The following PATJ variants were observed in gnomAD, a reference collection of about 807,000 sequenced individuals.
PATJ encodes the protein PATJ crumbs cell polarity complex component.
A neutral mutation model predicts 224.9 loss-of-function variants in PATJ; 190 were observed. The ratio of observed to expected loss-of-function variants is 0.84; its 90% confidence interval spans 0.75 to 0.95. The LOEUF is 0.95. Ranked by LOEUF, PATJ falls within the 40% of genes least tolerant of loss-of-function variation. PATJ has a pLI of 0.00. For missense variants in PATJ, 2,121 were observed against 2,270.3 expected (o/e 0.93, Z 1.34); for synonymous variants, 769 against 820.3 (o/e 0.94, Z 1.07).
chr1:61,742,787 C>G (rs982253530), intron 1 of PATJ, among the ~76,000 whole-genome samples: 1 of 150,362 alleles, frequency 6.7e-6, no homozygotes, highest in African/African-American at 2.4e-5. Flanking sequence ...CCGCGCTGAC[C>G]CGGGAGGCGG....
At chr1:61,760,226 C>A (rs537637797) in intron 1 of PATJ, among the ~76,000 whole-genome samples, 1 of 152,238 alleles carries the variant, frequency 6.6e-6, no homozygotes, top group South Asian at 2.1e-4. Context: ...TTTTGGTATT[C>A]CCATTGAATC....
chr1:61,867,351 G>A (rs1220352979), intron 20 of PATJ, among the ~76,000 whole-genome samples: 1 of 152,070 alleles, frequency 6.6e-6, no homozygotes, highest in Non-Finnish European at 1.5e-5. Context: ...AAATTTCCTA[G>A]CTTCCCTCTT....
chr1:61,794,619 A>G (rs1650655802), intron 9 of PATJ, among the ~76,000 whole-genome samples: 1 of 152,006 alleles, frequency 6.6e-6, no homozygotes, highest in Admixed American at 6.6e-5. Flanking sequence ...GTTTTATTTT[A>G]TAATATGTAA....
At chr1:61,920,702 C>CTT (rs71582652) in intron 26 of PATJ, among the ~76,000 whole-genome samples, 2,491 of 89,476 alleles carry the variant, frequency 0.028, 63 homozygotes, top group African/African-American at 0.038. Context: ...GTATGGAATT[C>CTT]TTTTTTTTTT....
chr1:61,972,732 A>G (rs1361551430), intron 27 of PATJ, among the ~76,000 whole-genome samples: 1 of 152,074 alleles, frequency 6.6e-6, no homozygotes, highest in Admixed American at 6.5e-5. Context: ...CTTTAATTCT[A>G]TGTTGTGCCA....
At chr1:61,980,437 TTGTGTGTGTGTG>T (rs148389720) in intron 27 of PATJ, among the ~76,000 whole-genome samples, 22,747 of 129,638 alleles carry the variant, frequency 0.18, 2,090 homozygotes, top group Non-Finnish European at 0.23. Flanking sequence ...CTTATATAAT[TTGTGTGTGTGTG>T]TGTGTGTGTG....
At chr1:62,099,347 C>CCTTTTTTTT (rs1661830405) in intron 33 of PATJ, among the ~76,000 whole-genome samples, 1 of 55,666 alleles carries the variant, frequency 1.8e-5, no homozygotes, top group South Asian at 6.6e-4. Context: ...ATATCTCCAA[C>CCTTTTTTTT]TTTTTTTTTT....
At chr1:61,792,647 C>T (rs1209764799) in intron 9 of PATJ, among the ~76,000 whole-genome samples, 1 of 152,028 alleles carries the variant, frequency 6.6e-6, no homozygotes, top group African/African-American at 2.4e-5. Flanking sequence ...TCTCCTACCC[C>T]AGCCTTCGGG....
intron 19 of PATJ, among the ~76,000 whole-genome samples, chr1:61,863,044 T>G (rs1485608798): frequency 6.9e-6 from 1 of 145,092 alleles, no homozygotes; most frequent in African/African-American, 2.6e-5. Context: ...TTTTTTTTTT[T>G]TTTTTTTTTG....
intron 27 of PATJ, among the ~76,000 whole-genome samples, chr1:61,964,838 G>A (rs775973118): frequency 3.3e-5 from 5 of 151,736 alleles, no homozygotes; most frequent in Non-Finnish European, 5.9e-5. Flanking sequence ...CTGGCCGACC[G>A]TGGTGGCCGA....
At chr1:61,820,337 C>CTATTTATT (rs1253942199) in intron 14 of PATJ, among the ~76,000 whole-genome samples, 4 of 151,454 alleles carry the variant, frequency 2.6e-5, no homozygotes, top group African/African-American at 7.3e-5. Context: ...CGTGCCTGGC[C>CTATTTATT]TATTTATTTA....
At chr1:62,096,824 C>T (rs1661450866) in intron 33 of PATJ, among the ~76,000 whole-genome samples, 1 of 152,174 alleles carries the variant, frequency 6.6e-6, no homozygotes. Context: ...ACCAGGTTGG[C>T]CAGGCTAGTC....
intron 27 of PATJ, among the ~76,000 whole-genome samples, chr1:61,958,157 CTG>C (rs776202309): frequency 4.3e-4 from 66 of 152,090 alleles, no homozygotes; most frequent in Non-Finnish European, 5.0e-4. Context: ...GTGGTATACT[CTG>C]TGATTTACAT....
intron 27 of PATJ, among the ~76,000 whole-genome samples, chr1:61,941,323 T>C (rs1205712310): frequency 1.3e-5 from 2 of 152,208 alleles, no homozygotes; most frequent in Admixed American, 6.5e-5. Context: ...TTATGAACAG[T>C]TGTTGACTCA....
At chr1:61,970,132 T>C (rs1471026669) in intron 27 of PATJ, among the ~76,000 whole-genome samples, 3 of 152,074 alleles carry the variant, frequency 2.0e-5, no homozygotes, top group African/African-American at 7.2e-5. Context: ...CAAGAAACCA[T>C]TGCCAAATCC....
intron 32 of PATJ, among the ~76,000 whole-genome samples, chr1:62,080,586 C>A (rs1659128214): frequency 6.6e-6 from 1 of 152,120 alleles, no homozygotes; most frequent in East Asian, 1.9e-4. Flanking sequence ...CCTGCCTCGG[C>A]CTCCAAAAGT....
At chr1:62,003,381 G>A (rs887251810) in intron 28 of PATJ, among the ~76,000 whole-genome samples, 7 of 152,210 alleles carry the variant, frequency 4.6e-5, no homozygotes, top group African/African-American at 1.7e-4. Flanking sequence ...AGACAGATGT[G>A]TGAGCTGCAT....
chr1:62,008,162 T>A (rs2148297225), intron 28 of PATJ, among the ~76,000 whole-genome samples: 1 of 152,274 alleles, frequency 6.6e-6, no homozygotes, highest in South Asian at 2.1e-4. Context: ...GAGAGAATCT[T>A]GGTTGTCCTA....
chr1:61,927,598 C>T (rs1198028992), intron 26 of PATJ, 132 bp from the exon 27 acceptor site: 1 of 583,934 alleles, frequency 1.7e-6, no homozygotes, highest in Non-Finnish European at 3.0e-6. Context: ...GTTTGTTTTA[C>T]AGTCCTCATG....
Sources: gnomAD v4.1 joint callset for allele counts (sites outside exome capture counted in the v4.1 genomes callset) on GRCh38, gnomAD v4.1.1 for gene constraint, MANE v1.5 for transcripts, NCBI Gene and HGNC (gene_info 2026-07-23, HGNC 2026-07-21) for gene names.